Variants in EIPR1 observed in about 807,000 individuals in gnomAD.
EIPR1 encodes the protein EARP complex and GARP complex interacting protein 1.
In EIPR1, 25 loss-of-function variants were observed where a neutral mutation model predicts 48.1. That is an observed-to-expected ratio of 0.52 (90% CI 0.38 to 0.73). The LOEUF (loss-of-function observed/expected upper bound fraction) is 0.73, where lower values mean the gene tolerates loss of function less well. Ranked by LOEUF, EIPR1 falls within the 30% of genes least tolerant of loss-of-function variation. The probability of loss-of-function intolerance (pLI) is 0.00; values close to 1 mark genes in which losing one functional copy is unlikely to be tolerated. For synonymous variants in EIPR1, 204 were observed against 201.9 expected (o/e 1.01, Z -0.09); for missense variants, 415 against 506.2 (o/e 0.82, Z 1.73).
chr2:3,243,664 T>A lies in EIPR1; in HGVS notation c.416+13635A>T, dbSNP rs559574224. On this transcript the variant is annotated intron_variant, in intron 4 of 8. Transcript: ENST00000382125. ...ACCCAAAATGAAATTAAATTAAAAATTTTTTTTAAAAATTTAAAAAGAATT... is the reference window on the plus strand; with the variant it reads ...ACCCAAAATGAAATTAAATTAAAAAATTTTTTTAAAAATTTAAAAAGAATT... Among the ~76,000 whole-genome samples, 50 of 151,580 alleles carry A rather than the reference T, an allele frequency of 3.3e-4. 1 individual carries two copies. Among genetic ancestry groups the A allele is most frequent in the African/African-American group, 7.0e-4 (29 of 41,442 alleles).
At chr2:3,291,934 T>G (rs1668376444) in intron 3 of EIPR1, among the ~76,000 whole-genome samples, 1 of 152,230 alleles carries the variant, frequency 6.6e-6, no homozygotes, top group Non-Finnish European at 1.5e-5. Context: ...AGCCTGTCTG[T>G]GTCCTGGTCC....
intron 3 of EIPR1, among the ~76,000 whole-genome samples, chr2:3,295,936 GCACA>G (rs1553296577): frequency 2.6e-5 from 1 of 37,840 alleles, no homozygotes; most frequent in African/African-American, 1.1e-4. Flanking sequence ...TCCTCTCCTT[GCACA>G]CACACACCCT....
chr2:3,260,061 A>G (rs1370997533), intron 3 of EIPR1, among the ~76,000 whole-genome samples: 1 of 152,246 alleles, frequency 6.6e-6, no homozygotes, highest in African/African-American at 2.4e-5. Flanking sequence ...TCATACAGAA[A>G]AAGACGAATA....
chr2:3,364,659 A>C (rs1296638472), intron 1 of EIPR1, among the ~76,000 whole-genome samples: 1 of 152,114 alleles, frequency 6.6e-6, no homozygotes. Flanking sequence ...GAAAGAAAAA[A>C]AAAAAGAATG....
Position 3,207,845 on chromosome 2 carries a change from C to T in EIPR1, c.516+6304G>A, listed in dbSNP as rs537536676. ...AAATGCTAGTGAGCTCCAATATTTACAAAATCAAACTATACATGTAGTTTT... is the reference window on the plus strand; with the variant it reads ...AAATGCTAGTGAGCTCCAATATTTATAAAATCAAACTATACATGTAGTTTT... On this transcript the variant is annotated intron_variant, in intron 5 of 8. Transcript: ENST00000382125. 18 of 152,298 alleles carry T rather than the reference C, an allele frequency of 1.2e-4. No homozygotes were observed. In the South Asian group the frequency reaches 3.1e-3, roughly 26 times the overall value. The allele number at this position is 152,298 out of a possible 1,614,324, so 9.4% of individuals were successfully genotyped here. A position where few individuals can be genotyped will look rare whatever the true frequency, so the allele number is the denominator to read the frequency against.
chr2:3,351,662 ATAAG>A (rs1670581875), intron 2 of EIPR1, among the ~76,000 whole-genome samples: 1 of 152,196 alleles, frequency 6.6e-6, no homozygotes, highest in Admixed American at 6.6e-5. Context: ...ATTTTTATAA[ATAAG>A]TAATTCCCTT....
At chr2:3,246,814 AG>A (rs1666817090) in intron 4 of EIPR1, among the ~76,000 whole-genome samples, 1 of 57,492 alleles carries the variant, frequency 1.7e-5, no homozygotes, top group African/African-American at 7.7e-5. Flanking sequence ...GCAGGGAGGG[AG>A]GGAGGGAGGA....
intron 3 of EIPR1, among the ~76,000 whole-genome samples, chr2:3,297,350 C>G (rs1022265965): frequency 1.3e-5 from 2 of 152,254 alleles, no homozygotes; most frequent in African/African-American, 4.8e-5. Context: ...CATGCAGAGA[C>G]AGCCATTCAC....
At chr2:3,364,213 T>A (rs1036878389) in intron 1 of EIPR1, among the ~76,000 whole-genome samples, 11 of 152,190 alleles carry the variant, frequency 7.2e-5, no homozygotes, top group African/African-American at 2.4e-4. Flanking sequence ...CCTGCACCCG[T>A]GGGTATACTG....
intron 4 of EIPR1, among the ~76,000 whole-genome samples, chr2:3,220,635 C>T (rs1232229838): frequency 6.6e-6 from 1 of 151,724 alleles, no homozygotes; most frequent in Non-Finnish European, 1.5e-5. Flanking sequence ...TAGTCAGGTG[C>T]ACACACGCGA....
intron 1 of EIPR1, among the ~76,000 whole-genome samples, chr2:3,358,869 C>G (rs1471805116): frequency 1.3e-5 from 2 of 152,146 alleles, no homozygotes; most frequent in African/African-American, 2.4e-5. Context: ...GTGTTATCAC[C>G]CTAGACGTTA....
In EIPR1 at chr2:3,328,143, G is replaced by C. The variant is rs190773217; in HGVS notation, c.259+9874C>G. The stretch of plus-strand genomic sequence containing the variant: ...AGCTCATGTGTTGGCACCGTTCCCT[G>C]GAACTCAGACCTCCAGGTCCAAACA... On this transcript the variant is annotated intron_variant, in intron 3 of 8. Coordinates refer to ENST00000382125, the MANE Select transcript of EIPR1 (RefSeq NM_003310.5). Among the ~76,000 whole-genome samples, 187 of 152,292 alleles carry C rather than the reference G, an allele frequency of 1.2e-3. 1 individual carries two copies. The highest frequency in any genetic ancestry group is 4.5e-3 in the African/African-American group (186 of 41,556).
At chr2:3,342,568 C>T (rs1670284536) in intron 2 of EIPR1, among the ~76,000 whole-genome samples, 1 of 152,262 alleles carries the variant, frequency 6.6e-6, no homozygotes, top group Admixed American at 6.5e-5. Flanking sequence ...ACCCTCTCTC[C>T]CAGTCTCCTG....
intron 3 of EIPR1, among the ~76,000 whole-genome samples, chr2:3,268,012 C>A (rs1667545461): frequency 6.6e-6 from 1 of 152,234 alleles, no homozygotes; most frequent in Non-Finnish European, 1.5e-5. Context: ...GCCGAAAGCC[C>A]TGGAAGGAGA....
chr2:3,308,598 G>A (rs937828124), intron 3 of EIPR1, among the ~76,000 whole-genome samples: 2 of 152,186 alleles, frequency 1.3e-5, no homozygotes, highest in Non-Finnish European at 2.9e-5. Flanking sequence ...AAGCATTTGT[G>A]GGAATAATGG....
At chr2:3,253,355 G>T (rs113231473) in intron 4 of EIPR1, among the ~76,000 whole-genome samples, 2,838 of 152,142 alleles carry the variant, frequency 0.019, 84 homozygotes, top group African/African-American at 0.065. Context: ...GCTGCGCCCC[G>T]ACCACCTTGG....
rs61533650 is a variant in EIPR1 at position 3,312,534 on chromosome 2, T to C, written c.259+25483A>G. 0.22 allele frequency among the ~76,000 whole-genome samples: 34,143 copies of C among 152,064 alleles called. 6,182 individuals carry two copies. The highest frequency in any genetic ancestry group is 0.58 in the East Asian group (3,002 of 5,152). On this transcript the variant is annotated intron_variant, in intron 3 of 8. Coordinates refer to ENST00000382125, the MANE Select transcript of EIPR1 (RefSeq NM_003310.5). This position sits in a 1 kb window ranked among gnomAD's most constrained non-coding sequence, Gnocchi z 5.5. ...TTCCCATGGTCCTCCCAAGGCTCCCTCCCACCACTCAGCACCTGCTCATCA... is the reference window on the plus strand; with the variant it reads ...TTCCCATGGTCCTCCCAAGGCTCCCCCCCACCACTCAGCACCTGCTCATCA...
At chr2:3,224,790 C>A (rs1405249077) in intron 4 of EIPR1, among the ~76,000 whole-genome samples, 1 of 152,202 alleles carries the variant, frequency 6.6e-6, no homozygotes, top group African/African-American at 2.4e-5. Flanking sequence ...TCCCTGCTGG[C>A]AATGCCACCG....
At chr2:3,341,389 C>T (rs1046700438) in intron 2 of EIPR1, among the ~76,000 whole-genome samples, 1 of 152,142 alleles carries the variant, frequency 6.6e-6, no homozygotes, top group Admixed American at 6.5e-5. Flanking sequence ...GACACGGGTG[C>T]ACGTGGGTGT....
Sources: allele counts gnomAD v4.1 joint callset (sites outside exome capture counted in the v4.1 genomes callset), GRCh38; gene constraint gnomAD v4.1.1; non-coding constraint Gnocchi (gnomAD v3.1); transcripts MANE v1.5; gene names NCBI Gene and HGNC (gene_info 2026-07-23, HGNC 2026-07-21).